Variants in RHOF observed in about 807,000 individuals in gnomAD.
RHOF encodes rho-related GTP-binding protein RhoF.
In RHOF, 21 loss-of-function variants were observed where a neutral mutation model predicts 22.2. That is an observed-to-expected ratio of 0.95 (90% CI 0.67 to 1.36). The LOEUF is 1.36. Ranked by LOEUF, RHOF falls within the 40% of genes most tolerant of loss-of-function variation. The probability of loss-of-function intolerance (pLI) is 0.00; values close to 1 mark genes in which losing one functional copy is unlikely to be tolerated. For synonymous variants in RHOF, 135 were observed against 131.2 expected, an observed-to-expected ratio of 1.03 and a Z score of -0.20; for missense variants, 285 against 293.7, an observed-to-expected ratio of 0.97 and a Z score of 0.22.
In RHOF at chr12:121,777,842, C is replaced by CTA. The variant is rs1874295406; in HGVS notation, c.*1655_*1656insTA. ...GTAGTTGTTGGACCTCTACCGTAGA[C>CTA]CATCATGAGGCCTGGGGTTCTTCGA... is the stretch of plus-strand genomic sequence containing the variant. On this transcript the variant is annotated 3_prime_UTR_variant, in exon 5 of 5. Transcript: ENST00000267205. The CTA allele has an allele frequency of 6.6e-6, 1 of 152,230 alleles. No individual in the cohort carries two copies. The allele number at this position is 152,230 out of a possible 1,614,324, so 9.4% of individuals were successfully genotyped here.
intron 2 of RHOF, among the ~76,000 whole-genome samples, chr12:121,783,712 C>G (rs944115289): frequency 2.0e-5 from 3 of 152,136 alleles, no homozygotes; most frequent in Middle Eastern, 3.2e-3. Context: ...GAACTCCCGA[C>G]CTCTGGTGAT....
At chr12:121,781,290 G>T in intron 2 of RHOF, 98 bp from the exon 3 acceptor site, 1 of 1,059,314 alleles carries the variant, frequency 9.4e-7, no homozygotes, top group Non-Finnish European at 1.4e-6. Context: ...CCTGCCTTAG[G>T]GCCTCAATTT....
Position 121,793,555 on chromosome 12 carries a change from C to T in RHOF, c.79G>A (p.Asp27Asn), listed in dbSNP as rs1160085311. The change falls in exon 1 of 5, where the codon GAC becomes AAC. Residue 27 changes from aspartate (D) to asparagine (N), a missense_variant. Transcript: ENST00000267205. ...AGCGAGGTCTTGCCGCAGCCGCCGT[C>T]GCCCACGATCACGATCTTCAGCTCC... ...RKELKIVIVG[D>N]GGCGKTSLLM... 9.0e-6 allele frequency: 14 copies of T among 1,549,404 alleles called. No homozygotes were observed. The highest frequency in any genetic ancestry group is 1.1e-5 in the Non-Finnish European group (13 of 1,150,294).
intron 2 of RHOF, among the ~76,000 whole-genome samples, chr12:121,789,150 A>G (rs1283961902): frequency 6.6e-6 from 1 of 152,030 alleles, no homozygotes; most frequent in Non-Finnish European, 1.5e-5. Context: ...GGATCACTTG[A>G]GCCCAAGAGG....
chr12:121,779,680 C>G lies in RHOF; in HGVS notation c.472-18G>C, dbSNP rs1174703817. ...CTCAGGCCCTGGGTGGGGGGAGGAG[C>G]CAGCATTAGGTGAGGGGCCCCTGGA... On this transcript the variant is annotated intron_variant, in intron 4 of 4. Coordinates refer to ENST00000267205, the MANE Select transcript of RHOF (RefSeq NM_019034.3). The G allele has an allele frequency of 1.2e-6, 2 of 1,613,148 alleles. No homozygotes were observed. The highest frequency in any genetic ancestry group is 1.7e-6 in the Non-Finnish European group (2 of 1,179,606).
intron 2 of RHOF, among the ~76,000 whole-genome samples, chr12:121,787,025 G>A (rs1874627190): frequency 6.6e-6 from 1 of 152,132 alleles, no homozygotes; most frequent in Non-Finnish European, 1.5e-5. Flanking sequence ...GGAACACAGC[G>A]AGACTCTGTC....
chr12:121,790,486 G>A (rs1197638458), intron 2 of RHOF, among the ~76,000 whole-genome samples: 2 of 152,152 alleles, frequency 1.3e-5, no homozygotes, highest in African/African-American at 4.8e-5. Flanking sequence ...AATCATCTCC[G>A]GCATTCGGAT....
intron 2 of RHOF, chr12:121,782,603 C>G (rs1192038086): frequency 6.6e-6 from 1 of 152,372 alleles, no homozygotes; most frequent in Non-Finnish European, 1.5e-5. Flanking sequence ...CAAGTGGCCT[C>G]TCCACGGAGT....
At position 121,793,500 on chromosome 12, in the gene RHOF, G is replaced by A. The variant is rs1348330997; in HGVS notation, c.134C>T (p.Pro45Leu). Residue 45 changes from proline (P) to leucine (L), a missense_variant, in exon 1 of 5, where the codon CCC (proline) becomes CTC (leucine). Pro to Leu is a moderately conservative substitution (Grantham distance 98). Coordinates refer to ENST00000267205, the MANE Select transcript of RHOF (RefSeq NM_019034.3). ...CAGCCCCGCTGCGGGCCTCACCTCG[G>A]GGAAGGAGCCCTGGCTGTACACCAT... Reference protein sequence around the residue: ...LLMVYSQGSFPEHYAPSVFEK... With the variant: ...LLMVYSQGSFLEHYAPSVFEK... 3.5e-5 allele frequency: 54 copies of A among 1,541,942 alleles called. No homozygotes were observed. Among genetic ancestry groups the A allele is most frequent in the Admixed American group, 9.8e-5 (5 of 50,982 alleles).
At chr12:121,780,459 C>T (rs997741820) in intron 4 of RHOF, 9 of 308,150 alleles carry the variant, frequency 2.9e-5, no homozygotes, top group Non-Finnish European at 4.8e-5. Context: ...AAGAGTTGCA[C>T]GGTCAATTGG....
In RHOF at chr12:121,779,903, C is replaced by T. The variant is rs1454629952; in HGVS notation, c.472-241G>A. 10 of 506,870 alleles carry T rather than the reference C, an allele frequency of 2.0e-5. No individual in the cohort carries two copies. In the Admixed American group the frequency reaches 2.6e-4, roughly 13 times the overall value. 31.4% of individuals were successfully genotyped at this position (506,870 alleles called of 1,614,324 possible). ...CCCCCACCCTGGCCTCTCTCCAGCTCCGGGCAGGGAGGGGCTGAATCCTGA... is the reference window on the plus strand; with the variant it reads ...CCCCCACCCTGGCCTCTCTCCAGCTTCGGGCAGGGAGGGGCTGAATCCTGA... On this transcript the variant is annotated intron_variant, in intron 4 of 4. Coordinates refer to ENST00000267205, the MANE Select transcript of RHOF (RefSeq NM_019034.3).
rs35018748 is a variant in RHOF at position 121,787,890 on chromosome 12, C to CA, written c.226+5261dup. ...TGGGCAACAGAGTGAGACTCTGCCT[C>CA]AAAAAAAAAAAAAAAAAAAGGGGGG... On this transcript the variant is annotated intron_variant, in intron 2 of 4. Coordinates refer to ENST00000267205, the MANE Select transcript of RHOF (RefSeq NM_019034.3). Among the ~76,000 whole-genome samples the CA allele has an allele frequency of 4.3e-3, 236 of 54,444 alleles. 3 individuals carry two copies. The highest frequency in any genetic ancestry group is 0.013 in the African/African-American group (155 of 11,818). The allele number at this position is 54,444 out of a possible 152,430, so 35.7% of individuals were successfully genotyped here.
At chr12:121,787,401 G>C (rs1304286295) in intron 2 of RHOF, among the ~76,000 whole-genome samples, 1 of 152,204 alleles carries the variant, frequency 6.6e-6, no homozygotes, top group East Asian at 1.9e-4. Flanking sequence ...GTGAGCCAGA[G>C]GCCAACCAGT....
At chr12:121,792,887 G>A (rs1774114387) in intron 2 of RHOF, among the ~76,000 whole-genome samples, 1 of 152,254 alleles carries the variant, frequency 6.6e-6, no homozygotes, top group South Asian at 2.1e-4. Context: ...TAGAACCACA[G>A]GAGAGGAACG....
intron 2 of RHOF, among the ~76,000 whole-genome samples, chr12:121,783,957 T>C (rs1874542861): frequency 2.0e-5 from 3 of 152,102 alleles, no homozygotes; most frequent in Admixed American, 2.0e-4. Flanking sequence ...CATGACTTCA[T>C]CGCCTGCCAC....
intron 1 of RHOF, 64 bp downstream of exon 1, chr12:121,793,432 G>GGGGCTCT (rs1374077281): frequency 6.6e-7 from 1 of 1,526,136 alleles, no homozygotes; most frequent in Non-Finnish European, 8.8e-7. Flanking sequence ...ACTGAGGGTC[G>GGGGCTCT]GGGCTCTGGG....
At chr12:121,781,926 C>G (rs565272169) in intron 2 of RHOF, 11 of 152,222 alleles carry the variant, frequency 7.2e-5, no homozygotes, top group African/African-American at 2.7e-4. Flanking sequence ...GGCTCCGCCC[C>G]GAGACGAGCT....
Position 121,789,035 on chromosome 12 carries a change from C to T in RHOF, c.226+4117G>A, listed in dbSNP as rs141024001. On this transcript the variant is annotated intron_variant, in intron 2 of 4. Transcript: ENST00000267205. ...CACCTGCCCGTAGTCACAGAGGGGG[C>T]CCATCCAGCCTCTGCAGATGGGCTT... Among the ~76,000 whole-genome samples the T allele has an allele frequency of 7.2e-5, 11 of 152,198 alleles. No individual in the cohort carries two copies. The South Asian group carries it at 1.9e-3, about 26-fold the overall frequency.
rs74478146 is a variant in RHOF, at chr12:121,778,577, G to C, written c.*921C>G. The C allele has an allele frequency of 6.6e-6, 1 of 151,978 alleles. No homozygotes were observed. The highest frequency in any genetic ancestry group is 2.4e-5 in the African/African-American group (1 of 41,338). The allele number at this position is 151,978 out of a possible 1,614,324, so 9.4% of individuals were successfully genotyped here. On this transcript the variant is annotated 3_prime_UTR_variant, in exon 5 of 5. Transcript: ENST00000267205. ...TGAACCAGTTCTGAGAAACTGTCCC[G>C]CGTGGACAGGGGGTAGATCCCATCA... is the stretch of plus-strand genomic sequence containing the variant.
Sources: gnomAD v4.1 joint callset for allele counts (sites outside exome capture counted in the v4.1 genomes callset) on GRCh38, gnomAD v4.1.1 for gene constraint, MANE v1.5 for transcripts, NCBI Gene and HGNC (gene_info 2026-07-23, HGNC 2026-07-21) for gene names.